The following SH3RF2 variants were observed in gnomAD, a reference collection of about 807,000 sequenced individuals.
The protein encoded by SH3RF2 is SH3 domain containing ring finger 2, also known as E3 ubiquitin-protein ligase SH3RF2.
Under a neutral mutation model 59.0 loss-of-function variants are expected in SH3RF2, and 43 were observed. The observed-to-expected ratio is 0.73, with a 90% CI of 0.57 to 0.94. The LOEUF (loss-of-function observed/expected upper bound fraction) is 0.94. SH3RF2 is among the 40% of genes least tolerant of loss of function. The pLI is 0.00. For missense variants in SH3RF2, 930 were observed against 940.1 expected (o/e 0.99, Z 0.14); for synonymous variants, 391 against 391.5 (o/e 1.00, Z 0.01).
At chr5:145,958,180 C>A (rs1396202861) in intron 2 of SH3RF2, among the ~76,000 whole-genome samples, 5 of 152,128 alleles carry the variant, frequency 3.3e-5, no homozygotes, top group African/African-American at 1.2e-4. Context: ...CTGTCACATG[C>A]TCGATGTCAC....
chr5:146,008,563 C>T (rs1440534273), intron 4 of SH3RF2, among the ~76,000 whole-genome samples: 1 of 152,172 alleles, frequency 6.6e-6, no homozygotes, highest in African/African-American at 2.4e-5. Flanking sequence ...ATTTCAATAA[C>T]TTCCTAATTG....
chr5:145,939,883 G>A (rs1757749666), intron 2 of SH3RF2, among the ~76,000 whole-genome samples: 1 of 152,114 alleles, frequency 6.6e-6, no homozygotes, highest in African/African-American at 2.4e-5. Flanking sequence ...CTCAGGAAAC[G>A]GTGTCACACT....
chr5:145,999,984 G>T, intron 2 of SH3RF2, 74 bp from the exon 3 acceptor site: 1 of 1,531,578 alleles, frequency 6.5e-7, no homozygotes, highest in Non-Finnish European at 8.8e-7. Context: ...TACAATAAAA[G>T]GGGGAATGCT....
At position 146,016,426 on chromosome 5, in the gene SH3RF2, AATAG is replaced by A. The variant is rs955708493; in HGVS notation, c.1059+2377_1059+2380del. On this transcript the variant is annotated intron_variant, in intron 5 of 9. Transcript: ENST00000359120. ...TGGATAGATGATTGATACATAGATA[AATAG>A]ATAGATAGATAAATAGATACAGTGA... Among the ~76,000 whole-genome samples the A allele has an allele frequency of 1.7e-4, 26 of 151,772 alleles. 1 individual carries two copies. The highest frequency in any genetic ancestry group is 2.9e-4 in the African/African-American group (12 of 41,432).
At chr5:146,002,770 G>C (rs1760480626) in intron 3 of SH3RF2, among the ~76,000 whole-genome samples, 1 of 152,184 alleles carries the variant, frequency 6.6e-6, no homozygotes, top group East Asian at 1.9e-4. Flanking sequence ...TCATAGGAGC[G>C]TGAAACCTAT....
At chr5:146,062,321 T>C in intron 9 of SH3RF2, 105 bp from the exon 10 acceptor site, 1 of 1,396,852 alleles carries the variant, frequency 7.2e-7, no homozygotes, top group South Asian at 1.3e-5. Flanking sequence ...GCCACAGATA[T>C]TTGCAGAATG....
At chr5:146,018,293 T>C (rs1761182018) in intron 5 of SH3RF2, among the ~76,000 whole-genome samples, 1 of 152,118 alleles carries the variant, frequency 6.6e-6, no homozygotes, top group Non-Finnish European at 1.5e-5. Context: ...ATTATACCAC[T>C]CTGTATGCCT....
intron 2 of SH3RF2, among the ~76,000 whole-genome samples, chr5:145,995,926 G>A (rs1166552107): frequency 6.6e-6 from 1 of 152,114 alleles, no homozygotes; most frequent in Non-Finnish European, 1.5e-5. Flanking sequence ...TTCATTGTAT[G>A]GGTATGGGTG....
In SH3RF2 at chr5:146,012,756, A is replaced by G. The variant is rs538322314; in HGVS notation, c.745-991A>G. ...AGGAAATGAACCCACAGGGGCTGTC[A>G]GTGAGTAGGGTACTCAAAATATTAT... On this transcript the variant is annotated intron_variant, in intron 4 of 9. Transcript: ENST00000359120. Among the ~76,000 whole-genome samples, 46 of 152,306 alleles carry G rather than the reference A, an allele frequency of 3.0e-4. 1 individual carries two copies. Among genetic ancestry groups the G allele is most frequent in the African/African-American group, 1.0e-3 (43 of 41,572 alleles).
At chr5:145,955,794 A>G (rs1424746043) in intron 2 of SH3RF2, among the ~76,000 whole-genome samples, 1 of 152,234 alleles carries the variant, frequency 6.6e-6, no homozygotes, top group Non-Finnish European at 1.5e-5. Context: ...TCAATGTCAT[A>G]TAAAATGTTA....
intron 2 of SH3RF2, among the ~76,000 whole-genome samples, chr5:145,999,824 A>G (rs1465399172): frequency 6.6e-6 from 1 of 152,224 alleles, no homozygotes; most frequent in East Asian, 1.9e-4. Flanking sequence ...AAATATTTAA[A>G]GTTAATAACA....
chr5:145,999,411 C>T (rs571298054), intron 2 of SH3RF2, among the ~76,000 whole-genome samples: 8 of 152,140 alleles, frequency 5.3e-5, no homozygotes, highest in Non-Finnish European at 8.8e-5. Flanking sequence ...ATGAACTTTT[C>T]TTTTGCATTC....
chr5:145,987,892 T>A (rs1177772393), intron 2 of SH3RF2, among the ~76,000 whole-genome samples: 1 of 152,238 alleles, frequency 6.6e-6, no homozygotes, highest in South Asian at 2.1e-4. Flanking sequence ...TCTACATTGT[T>A]TATCACATTA....
intron 7 of SH3RF2, among the ~76,000 whole-genome samples, chr5:146,050,931 T>C (rs952695279): frequency 8.5e-5 from 13 of 152,134 alleles, no homozygotes; most frequent in Admixed American, 7.9e-4. Flanking sequence ...ACACAGCAAG[T>C]ACAAACAAAA....
At chr5:145,998,137 AC>A in intron 2 of SH3RF2, 1 of 452,524 alleles carries the variant, frequency 2.2e-6, no homozygotes, top group Non-Finnish European at 3.9e-6. Flanking sequence ...TTTTTCCCTT[AC>A]CTCTCCAAAT....
At chr5:145,965,485 T>A (rs1396873850) in intron 2 of SH3RF2, among the ~76,000 whole-genome samples, 1 of 152,136 alleles carries the variant, frequency 6.6e-6, no homozygotes, top group East Asian at 1.9e-4. Context: ...TGTTTTGGAC[T>A]AGGGTGGGGC....
At chr5:146,064,812 GAAAGAAAGAAAGAAAGAAA>G (rs1763051394), downstream of SH3RF2, among the ~76,000 whole-genome samples, 1 of 9,870 alleles carries the variant, frequency 1.0e-4, no homozygotes, top group Admixed American at 2.0e-3. Flanking sequence ...AGGAAGGAAA[GAAAGAAAGAAAGAAAGAAA>G]GAAAGAAAGA....
rs1762951788 is a variant in SH3RF2 at position 146,062,838 on chromosome 5, C to A, written c.*137C>A. On this transcript the variant is annotated 3_prime_UTR_variant, in exon 10 of 10. Coordinates refer to ENST00000359120, the MANE Select transcript of SH3RF2 (RefSeq NM_152550.4). ...TCTTCCTATTTCACCTCCAGGAAAG[C>A]AAAAGTGGGAGCAGAAATTCCTGCC... The A allele has an allele frequency of 8.0e-7, 1 of 1,246,852 alleles. No homozygotes were observed. The highest frequency in any genetic ancestry group is 1.1e-6 in the Non-Finnish European group (1 of 922,546). 77.2% of individuals were successfully genotyped at this position (1,246,852 alleles called of 1,614,324 possible).
At chr5:145,976,710 A>G (rs949122152) in intron 2 of SH3RF2, among the ~76,000 whole-genome samples, 1 of 152,238 alleles carries the variant, frequency 6.6e-6, no homozygotes, top group Non-Finnish European at 1.5e-5. Context: ...CCACTGTCAC[A>G]TAGTTAGCCC....
Sources: allele counts gnomAD v4.1 joint callset (sites outside exome capture counted in the v4.1 genomes callset), GRCh38; gene constraint gnomAD v4.1.1; transcripts MANE v1.5; gene names NCBI Gene and HGNC (gene_info 2026-07-23, HGNC 2026-07-21).